LNX1: variants seen among roughly 807,000 people sequenced by gnomAD.
LNX1 encodes ligand of numb-protein X 1, also known as E3 ubiquitin-protein ligase LNX.
In LNX1, 54 loss-of-function variants were observed where a neutral mutation model predicts 68.4. The ratio of observed to expected loss-of-function variants is 0.79; its 90% confidence interval spans 0.63 to 0.99. The LOEUF is 0.99. Among genes scored for constraint, LNX1 ranks in the 50% least tolerant of loss-of-function variants. The pLI, the probability that LNX1 is intolerant of heterozygous loss-of-function variation, is 0.00. For synonymous variants in LNX1, 336 were observed against 350.0 expected (o/e 0.96, Z 0.45); for missense variants, 906 against 926.4 (o/e 0.98, Z 0.29).
chr4:53,487,278 G>A (rs1214598256), intron 6 of LNX1, among the ~76,000 whole-genome samples: 1 of 152,208 alleles, frequency 6.6e-6, no homozygotes, highest in East Asian at 1.9e-4. Flanking sequence ...ACGTACAGGG[G>A]GAGTAAGAAC....
At chr4:53,582,951 T>A (rs891567305) in intron 1 of LNX1, among the ~76,000 whole-genome samples, 11 of 152,158 alleles carry the variant, frequency 7.2e-5, no homozygotes, top group Non-Finnish European at 1.5e-4. Flanking sequence ...CTAAAATAAT[T>A]CACCCAGCAG....
At chr4:53,529,730 G>T (rs938874277) in intron 2 of LNX1, among the ~76,000 whole-genome samples, 4 of 152,158 alleles carry the variant, frequency 2.6e-5, no homozygotes, top group African/African-American at 9.7e-5. Context: ...ACATTGGAAA[G>T]AACTTATTAC....
chr4:53,480,762 A>T (rs1317370083), intron 7 of LNX1, among the ~76,000 whole-genome samples: 1 of 152,190 alleles, frequency 6.6e-6, no homozygotes, highest in Non-Finnish European at 1.5e-5. Flanking sequence ...AAAAATTTGA[A>T]TATTGTTTCT....
chr4:53,568,327 CA>C (rs1488417199), intron 2 of LNX1, among the ~76,000 whole-genome samples: 1 of 151,584 alleles, frequency 6.6e-6, no homozygotes, highest in Admixed American at 6.6e-5. Context: ...CCCTGGGATG[CA>C]AGGCTGGTTC....
At chr4:53,606,862 G>T (rs191768809) in intron 2 of LNX1, among the ~76,000 whole-genome samples, 19 of 152,232 alleles carry the variant, frequency 1.2e-4, no homozygotes, top group Admixed American at 1.1e-3. Context: ...AAACCCACAT[G>T]ATTATCTCAA....
At chr4:53,634,375 C>T (rs1734385676) in intron 1 of LNX1, among the ~76,000 whole-genome samples, 1 of 151,888 alleles carries the variant, frequency 6.6e-6, no homozygotes, top group African/African-American at 2.4e-5. Context: ...TCCCGAGTAG[C>T]TGGGACTACA....
rs374056118 is a variant in LNX1 at position 53,542,073 on chromosome 4, G to A, written c.380+31550C>T. Among the ~76,000 whole-genome samples the A allele has an allele frequency of 4.9e-4, 75 of 152,276 alleles. 1 individual carries two copies. The highest frequency in any genetic ancestry group is 1.6e-3 in the African/African-American group (68 of 41,560). ...TCTGAAAAATTACCTTGCACTCAGG[G>A]GGATGTCAGAAGACTGGAACAAGGC... is the stretch of plus-strand genomic sequence containing the variant. On this transcript the variant is annotated intron_variant, in intron 2 of 10. Coordinates refer to ENST00000263925, the MANE Select transcript of LNX1 (RefSeq NM_001126328.3).
At chr4:53,468,491 A>G (rs1199374168) in intron 9 of LNX1, among the ~76,000 whole-genome samples, 1 of 152,180 alleles carries the variant, frequency 6.6e-6, no homozygotes, top group Non-Finnish European at 1.5e-5. Flanking sequence ...CACACATAAC[A>G]ATATTCACCT....
chr4:53,543,665 A>G (rs1728905879), intron 2 of LNX1, among the ~76,000 whole-genome samples: 1 of 152,124 alleles, frequency 6.6e-6, no homozygotes, highest in Non-Finnish European at 1.5e-5. Flanking sequence ...GTAAACCACT[A>G]TTTTTATTAA....
chr4:53,480,071 T>C (rs1235858462), intron 7 of LNX1, among the ~76,000 whole-genome samples: 3 of 152,266 alleles, frequency 2.0e-5, no homozygotes, highest in African/African-American at 7.2e-5. Flanking sequence ...TGGTATTTCT[T>C]TGAATTGTTT....
chr4:53,505,533 T>C (rs2109506724), intron 4 of LNX1, among the ~76,000 whole-genome samples: 1 of 152,114 alleles, frequency 6.6e-6, no homozygotes, highest in Middle Eastern at 3.4e-3. Flanking sequence ...ATTACAGGAG[T>C]AAGCCACCAC....
chr4:53,503,392 T>C (rs944028304), intron 4 of LNX1, among the ~76,000 whole-genome samples: 13 of 152,244 alleles, frequency 8.5e-5, no homozygotes, highest in African/African-American at 2.7e-4. Flanking sequence ...AATTACTCTT[T>C]GATCCACGGG....
intron 1 of LNX1, among the ~76,000 whole-genome samples, chr4:53,649,748 C>T (rs1029801775): frequency 1.3e-5 from 2 of 152,190 alleles, no homozygotes; most frequent in Non-Finnish European, 2.9e-5. Flanking sequence ...GGGCTAGGTG[C>T]CCTCCGATGG....
At chr4:53,648,542 T>C (rs1734976055) in intron 1 of LNX1, among the ~76,000 whole-genome samples, 1 of 152,240 alleles carries the variant, frequency 6.6e-6, no homozygotes, top group East Asian at 1.9e-4. Context: ...ATGTTTTCTC[T>C]CATTCTGTGG....
At chr4:53,511,381 C>T (rs1324436302) in intron 2 of LNX1, among the ~76,000 whole-genome samples, 1 of 152,182 alleles carries the variant, frequency 6.6e-6, no homozygotes, top group African/African-American at 2.4e-5. Context: ...ACGGTAAACC[C>T]TGGGTTGTGT....
intron 1 of LNX1, among the ~76,000 whole-genome samples, chr4:53,583,932 A>AAACAACAAC (rs57272023): frequency 1.5e-3 from 225 of 149,878 alleles, no homozygotes; most frequent in African/African-American, 3.1e-3. Flanking sequence ...GACCCCCTGC[A>AAACAACAAC]AACAACAACA....
At chr4:53,644,995 T>C (rs575462097) in intron 1 of LNX1, among the ~76,000 whole-genome samples, 1 of 152,300 alleles carries the variant, frequency 6.6e-6, no homozygotes, top group South Asian at 2.1e-4. Flanking sequence ...ACTCCTCAAT[T>C]CTTGCCAACA....
At position 53,476,765 on chromosome 4, in the gene LNX1, AG is replaced by A. The variant is rs777894121; in HGVS notation, c.1879del (p.Leu627TrpfsTer28). The A allele has an allele frequency of 4.3e-6, 7 of 1,614,124 alleles. No homozygotes were observed. The Admixed American group carries it at 1.2e-4, about 27-fold the overall frequency. ...SDWSPSWVMW[L>X]ELPRCLYNCK... Reference sequence around the variant, plus strand: ...TGTTTGGACTTACCGTGGTAATTCCAGCCACATGACCCAGGATGGGGACCAG... The same window carrying A: ...TGTTTGGACTTACCGTGGTAATTCCACCACATGACCCAGGATGGGGACCAG... On this transcript the variant is annotated frameshift_variant, in exon 9 of 11. Coordinates refer to ENST00000263925, the MANE Select transcript of LNX1 (RefSeq NM_001126328.3). LOFTEE classifies it high-confidence loss of function.
rs187284713 is a variant in LNX1, at chr4:53,473,928, T to C, written c.1892+2825A>G. ...ATTTCTAGAGTCCCTGAAAAGCAGC[T>C]ACAAAATAATAGAACAGTTATTTTG... On this transcript the variant is annotated intron_variant, in intron 9 of 10. Transcript: ENST00000263925. 5.1e-4 allele frequency among the ~76,000 whole-genome samples: 78 copies of C among 152,246 alleles called. 1 individual carries two copies. The highest frequency in any genetic ancestry group is 3.8e-4 in the Non-Finnish European group (26 of 68,008).
Sources: gnomAD v4.1 joint callset for allele counts (sites outside exome capture counted in the v4.1 genomes callset) on GRCh38, gnomAD v4.1.1 for gene constraint, MANE v1.5 for transcripts, NCBI Gene and HGNC (gene_info 2026-07-23, HGNC 2026-07-21) for gene names.